TMPRSS3: variants seen among roughly 807,000 people sequenced by gnomAD.
The protein encoded by TMPRSS3 is transmembrane serine protease 3.
TMPRSS3 carries 55 observed loss-of-function variants against 59.6 expected under a neutral mutation model. The ratio of observed to expected loss-of-function variants is 0.92; its 90% CI spans 0.74 to 1.16. The LOEUF is 1.16. Among genes scored for constraint, TMPRSS3 ranks in the 50% most tolerant of loss-of-function variants. The pLI is 0.00. For synonymous variants in TMPRSS3, 257 were observed against 237.7 expected (o/e 1.08, Z -0.75); for missense variants, 596 against 579.4 (o/e 1.03, Z -0.29).
chr21:42,389,056 G>C lies in TMPRSS3; in HGVS notation c.206-11C>G. 6.2e-7 allele frequency: 1 copy of C among 1,613,982 alleles called. No homozygotes were observed. The highest frequency in any genetic ancestry group is 1.1e-5 in the South Asian group (1 of 91,080). ...AGCAGTCGAAGTGGACTGGGAAAAG[G>C]GAGGAAGGCAGGAATTAACCAACAG... On this transcript the variant is annotated splice_polypyrimidine_tract_variant and intron_variant, in intron 3 of 12. Transcript: ENST00000644384.
At chr21:42,385,952 G>A (rs1196367414) in intron 5 of TMPRSS3, among the ~76,000 whole-genome samples, 1 of 152,112 alleles carries the variant, frequency 6.6e-6, no homozygotes, top group Non-Finnish European at 1.5e-5. Flanking sequence ...GGGACACCAA[G>A]TTCTCCAAGA....
intron 10 of TMPRSS3, among the ~76,000 whole-genome samples, chr21:42,376,969 G>A (rs1455713401): frequency 3.9e-5 from 6 of 152,206 alleles, no homozygotes; most frequent in Non-Finnish European, 7.3e-5. Context: ...AGGAGGAGGA[G>A]TAGGGGCAAC....
intron 12 of TMPRSS3, among the ~76,000 whole-genome samples, chr21:42,374,859 T>G (rs1001815073): frequency 6.6e-6 from 1 of 152,044 alleles, no homozygotes; most frequent in Non-Finnish European, 1.5e-5. Context: ...CTCATCGACT[T>G]TATAACAAAA....
At chr21:42,381,161 C>T (rs2052522617) in intron 9 of TMPRSS3, among the ~76,000 whole-genome samples, 1 of 152,150 alleles carries the variant, frequency 6.6e-6, no homozygotes, top group African/African-American at 2.4e-5. Context: ...GGAAAGAGGG[C>T]TTTAATTTAA....
intron 12 of TMPRSS3, among the ~76,000 whole-genome samples, chr21:42,375,336 C>T (rs958465961): frequency 3.3e-5 from 5 of 151,336 alleles, no homozygotes; most frequent in African/African-American, 1.2e-4. Flanking sequence ...AGGCAAGGTC[C>T]TCTCCCGCAC....
At chr21:42,389,103 A>C (rs2052689875) in intron 3 of TMPRSS3, 58 bp from the exon 4 acceptor site, 2 of 1,609,256 alleles carry the variant, frequency 1.2e-6, no homozygotes, top group Non-Finnish European at 8.5e-7. Context: ...TGCAACACTA[A>C]CAACTGTCCC....
chr21:42,388,524 G>A lies in TMPRSS3; in HGVS notation c.325C>T (p.Arg109Trp), dbSNP rs201632198. The change falls in exon 5 of 13, where the codon CGG becomes TGG. Residue 109 changes from arginine to tryptophan, a missense_variant and splice_region_variant. Arg to Trp is a moderately radical substitution (Grantham distance 101, BLOSUM62 -3). Coordinates refer to ENST00000644384, the MANE Select transcript of TMPRSS3 (RefSeq NM_001256317.3). This position sits in a 1 kb window ranked among gnomAD's most constrained non-coding sequence, Gnocchi z 5.1. The part of the protein sequence containing the change: ...KDGEDEYRCV[R>W]VGGQNAVLQV... The stretch of plus-strand genomic sequence containing the variant: ...AGCACGGCATTCTGACCACCCACCC[G>A]GACTGGCCGATGTGCAGAAAGAAAG... 169 of 1,614,016 alleles carry A rather than the reference G, an allele frequency of 1.0e-4. No homozygotes were observed. Among genetic ancestry groups the A allele is most frequent in the Non-Finnish European group, 7.4e-5 (87 of 1,180,038 alleles).
At chr21:42,385,063 C>CCCTCCCTCCCTTCCTT (rs1568885537) in intron 6 of TMPRSS3, among the ~76,000 whole-genome samples, 1 of 111,920 alleles carries the variant, frequency 8.9e-6, no homozygotes, top group Non-Finnish European at 1.8e-5. Context: ...CTTCCTCCCT[C>CCCTCCCTCCCTTCCTT]CCTCCCTCCC....
Position 42,388,481 on chromosome 21 carries a change from GC to G in TMPRSS3, c.367del (p.Ala123LeufsTer29). On this transcript the variant is annotated frameshift_variant, in exon 5 of 13. Transcript: ENST00000644384. LOFTEE classifies it high-confidence loss of function. The surrounding 1 kb of genome is among the most constrained non-coding windows in gnomAD (Gnocchi z 5.1). ...QNAVLQVFTA[A>X]SWKTMCSDDW... ...ATCGGAGCACATGGTCTTCCACGAA[GC>G]AGCTGTGAACACCTGGAGCACGGCA... The G allele has an allele frequency of 6.2e-7, 1 of 1,614,214 alleles. No individual in the cohort carries two copies. Among genetic ancestry groups the G allele is most frequent in the African/African-American group, 1.3e-5 (1 of 75,058 alleles).
intron 11 of TMPRSS3, 41 bp from the exon 12 acceptor site, chr21:42,375,909 C>T (rs748318215): frequency 1.9e-5 from 31 of 1,610,622 alleles, no homozygotes; most frequent in Admixed American, 3.3e-5. Context: ...GGACAGTCAC[C>T]GCCATGCGAG....
At chr21:42,378,870 TTTTGTTTGTTTGTTTG>T (rs3082133) in intron 10 of TMPRSS3, among the ~76,000 whole-genome samples, 2 of 148,470 alleles carry the variant, frequency 1.3e-5, no homozygotes, top group African/African-American at 2.5e-5. Context: ...TCAGGCTAAT[TTTTGTTTGTTTGTTTG>T]TTTGTTTGTT....
intron 3 of TMPRSS3, 111 bp from the exon 4 acceptor site, chr21:42,389,156 G>A: frequency 1.3e-6 from 2 of 1,553,200 alleles, no homozygotes; most frequent in Non-Finnish European, 1.7e-6. Context: ...AATGAAACCT[G>A]TATTGAAATT....
At chr21:42,378,618 G>A (rs553744173) in intron 10 of TMPRSS3, among the ~76,000 whole-genome samples, 4 of 152,302 alleles carry the variant, frequency 2.6e-5, no homozygotes, top group South Asian at 2.1e-4. Flanking sequence ...AGCTGCAGCC[G>A]CCGCCACCAG....
In TMPRSS3 at chr21:42,382,073, G is replaced by T. The variant is rs777685846; in HGVS notation, c.944C>A (p.Thr315Lys). 9 of 1,614,098 alleles carry T rather than the reference G, an allele frequency of 5.6e-6. No homozygotes were observed. The highest frequency in any genetic ancestry group is 6.8e-6 in the Non-Finnish European group (8 of 1,180,054). The change falls in exon 9 of 13, where the codon ACG (threonine) becomes AAG (lysine). Residue 315 changes from threonine to lysine, a missense_variant. By Grantham distance (78) the Thr-to-Lys change is moderately conservative. Transcript: ENST00000644384. Reference sequence around the variant, plus strand: ...TAGAGACCCAGATGTACCATTGAACGTGAGTGGCCCGGCCAGCTTCATAAG... The same window carrying T: ...TAGAGACCCAGATGTACCATTGAACTTGAGTGGCCCGGCCAGCTTCATAAG... Reference protein sequence around the residue: ...IALMKLAGPLTFNEMIQPVCL... With the variant: ...IALMKLAGPLKFNEMIQPVCL...
intron 2 of TMPRSS3, among the ~76,000 whole-genome samples, chr21:42,390,895 C>A (rs977054590): frequency 6.6e-6 from 1 of 152,140 alleles, no homozygotes; most frequent in Non-Finnish European, 1.5e-5. Context: ...GGCAAACCAC[C>A]AGGAGCTAGG....
At position 42,389,042 on chromosome 21, in the gene TMPRSS3, T is replaced by C. The variant is rs2052687847; in HGVS notation, c.209A>G (p.His70Arg). ...TCTGTACTTCCCTGAGCAGTCGAAG[T>C]GGACTGGGAAAAGGGAGGAAGGCAG... ...ILALAIGLGI[H>R]FDCSGKYRCR... The change falls in exon 4 of 13, where the codon CAC (histidine) becomes CGC (arginine). Residue 70 changes from histidine (H) to arginine (R), a missense_variant. By Grantham distance (29) the His-to-Arg change is conservative. Coordinates refer to ENST00000644384, the MANE Select transcript of TMPRSS3 (RefSeq NM_001256317.3). 1 of 1,614,004 alleles carries C rather than the reference T, an allele frequency of 6.2e-7. No homozygotes were observed. The highest frequency in any genetic ancestry group is 1.1e-5 in the South Asian group (1 of 91,086).
intron 7 of TMPRSS3, 61 bp from the exon 8 acceptor site, chr21:42,383,259 T>C (rs539508172): frequency 1.3e-6 from 2 of 1,558,658 alleles, no homozygotes; most frequent in East Asian, 2.3e-5. Context: ...GGACATGGTG[T>C]CACCACCATG....
At chr21:42,392,338 G>T (rs921826013) in intron 2 of TMPRSS3, among the ~76,000 whole-genome samples, 4 of 152,242 alleles carry the variant, frequency 2.6e-5, no homozygotes. Context: ...GGAGAAAAGA[G>T]TGTGCAGAGG....
At position 42,389,967 on chromosome 21, in the gene TMPRSS3, C is replaced by A; in HGVS notation, c.165G>T (p.Gly55=). The A allele has an allele frequency of 6.2e-7, 1 of 1,614,044 alleles. No individual in the cohort carries two copies. Among genetic ancestry groups the A allele is most frequent in the South Asian group, 1.1e-5 (1 of 91,082 alleles). ...CCAGTGCTAATATCAATGCAATGAT[C>A]CCAATGACGATGATTGGAAAAAACT... ...PLKFFPIIVI[G]IIALILALAI... Residue 55 remains glycine, a synonymous_variant, in exon 3 of 13, where the codon GGG becomes GGT. Coordinates refer to ENST00000644384, the MANE Select transcript of TMPRSS3 (RefSeq NM_001256317.3).
Sources: gnomAD v4.1 joint callset for allele counts (sites outside exome capture counted in the v4.1 genomes callset) on GRCh38, gnomAD v4.1.1 for gene constraint, Gnocchi (gnomAD v3.1) non-coding constraint, MANE v1.5 for transcripts, NCBI Gene and HGNC (gene_info 2026-07-23, HGNC 2026-07-21) for gene names.